Variants in PCDHGA1 observed in about 807,000 individuals in gnomAD.
The protein encoded by PCDHGA1 is protocadherin gamma subfamily A, 1.
In PCDHGA1, 32 loss-of-function variants were observed where a neutral mutation model predicts 58.0. The observed-to-expected ratio is 0.55, with a 90% confidence interval of 0.42 to 0.74. The LOEUF (loss-of-function observed/expected upper bound fraction) is 0.74. Among genes scored for constraint, PCDHGA1 ranks in the 30% least tolerant of loss-of-function variants. The probability of loss-of-function intolerance (pLI) is 0.00; values close to 1 mark genes in which losing one functional copy is unlikely to be tolerated. For synonymous variants in PCDHGA1, 498 were observed against 501.1 expected, an observed-to-expected ratio of 0.99 and a Z score of 0.08; for missense variants, 1,205 against 1,182.3, an observed-to-expected ratio of 1.02 and a Z score of -0.28.
intron 1 of PCDHGA1, chr5:141,355,137 T>C: frequency 6.6e-7 from 1 of 1,524,866 alleles, no homozygotes; most frequent in Non-Finnish European, 8.8e-7. Context: ...CAGAAGATCC[T>C]GGGGCTCCTC....
chr5:141,480,065 A>G (rs2099511928), intron 1 of PCDHGA1, among the ~76,000 whole-genome samples: 1 of 152,220 alleles, frequency 6.6e-6, no homozygotes, highest in Non-Finnish European at 1.5e-5. Flanking sequence ...TAAGTGTTTT[A>G]TAAGATTCAT....
At position 141,431,376 on chromosome 5, in the gene PCDHGA1, C is replaced by T. The variant is rs558222633; in HGVS notation, c.2422-63431C>T. The T allele has an allele frequency of 1.2e-6, 2 of 1,613,436 alleles. No homozygotes were observed. Among genetic ancestry groups the T allele is most frequent in the African/African-American group, 2.7e-5 (2 of 75,070 alleles). On this transcript the variant is annotated intron_variant, in intron 1 of 3. Coordinates refer to ENST00000517417, the MANE Select transcript of PCDHGA1 (RefSeq NM_018912.3). The surrounding 1 kb of genome is among the most constrained non-coding windows in gnomAD (Gnocchi z 4.8). Reference sequence around the variant, plus strand: ...CGCGCCCTGGACCGCGAAGAAAAGGCTGCTCACCACCTGGTCCTTACGGCC... The same window carrying T: ...CGCGCCCTGGACCGCGAAGAAAAGGTTGCTCACCACCTGGTCCTTACGGCC...
chr5:141,419,350 G>A, intron 1 of PCDHGA1: 1 of 1,613,848 alleles, frequency 6.2e-7, no homozygotes, highest in Non-Finnish European at 8.5e-7. Context: ...GCGACCTGGA[G>A]TCACGAACGC....
At position 141,375,341 on chromosome 5, in the gene PCDHGA1, A is replaced by G; in HGVS notation, c.2421+42236A>G. ...CCGGGAAGAGGTATTCTTGTACAACATCACTGTGACAGCCACGGACAAAGG... is the reference window on the plus strand; with the variant it reads ...CCGGGAAGAGGTATTCTTGTACAACGTCACTGTGACAGCCACGGACAAAGG... On this transcript the variant is annotated intron_variant, in intron 1 of 3. Transcript: ENST00000517417. 3 of 1,613,856 alleles carry G rather than the reference A, an allele frequency of 1.9e-6. No homozygotes were observed. The highest frequency in any genetic ancestry group is 1.6e-4 in the Middle Eastern group (1 of 6,062).
At chr5:141,400,638 T>A in intron 1 of PCDHGA1, 1 of 1,325,472 alleles carries the variant, frequency 7.5e-7, no homozygotes, top group Non-Finnish European at 1.1e-6. Flanking sequence ...TCAGAGCTGC[T>A]CAGAAAGCTG....
At position 141,477,418 on chromosome 5, in the gene PCDHGA1, C is replaced by G. The variant is rs759728291; in HGVS notation, c.2422-17389C>G. ...GCATCACCGCCCGAGACGCCGGAAC[C>G]CCTTCCCTCTCAGCCCTTACAATAG... On this transcript the variant is annotated intron_variant, in intron 1 of 3. Transcript: ENST00000517417. This position sits in a 1 kb window ranked among gnomAD's most constrained non-coding sequence, Gnocchi z 4.9. 2 of 1,614,166 alleles carry G rather than the reference C, an allele frequency of 1.2e-6. No homozygotes were observed. Among genetic ancestry groups the G allele is most frequent in the Non-Finnish European group, 1.7e-6 (2 of 1,180,030 alleles).
chr5:141,421,050 T>TACCACACAA, intron 1 of PCDHGA1: 1 of 561,278 alleles, frequency 1.8e-6, no homozygotes, highest in Non-Finnish European at 3.1e-6. Flanking sequence ...CCCCCGCCTC[T>TACCACACAA]ACCACACAAA....
chr5:141,482,103 A>C (rs34394498), intron 1 of PCDHGA1, among the ~76,000 whole-genome samples: 2 of 142,250 alleles, frequency 1.4e-5, no homozygotes, highest in Non-Finnish European at 3.0e-5. Flanking sequence ...AAAAAAAAAA[A>C]AATATCTAGA....
intron 1 of PCDHGA1, among the ~76,000 whole-genome samples, chr5:141,362,811 T>G (rs920763792): frequency 6.6e-6 from 1 of 152,256 alleles, no homozygotes; most frequent in African/African-American, 2.4e-5. Context: ...ACATTACTTC[T>G]CTCTGCAGAT....
intron 1 of PCDHGA1, chr5:141,389,142 G>C (rs72790030): frequency 2.5e-6 from 4 of 1,613,970 alleles, no homozygotes; most frequent in African/African-American, 2.7e-5. Flanking sequence ...CAATATAACC[G>C]TTACGGCAAC....
intron 2 of PCDHGA1, 91 bp from the exon 3 acceptor site, chr5:141,505,302 G>T: frequency 6.3e-7 from 1 of 1,592,714 alleles, no homozygotes; most frequent in Non-Finnish European, 8.5e-7. Context: ...TAGGGTTAGG[G>T]TACTAGGTTT....
intron 1 of PCDHGA1, chr5:141,389,817 C>G: frequency 1.2e-6 from 2 of 1,613,870 alleles, no homozygotes; most frequent in Non-Finnish European, 1.7e-6. Context: ...GGTCGCCGTG[C>G]GTGACGGTGG....
rs538468873 is a variant in PCDHGA1 at position 141,364,832 on chromosome 5, C to T, written c.2421+31727C>T. The T allele has an allele frequency of 3.7e-6, 6 of 1,613,894 alleles. No individual in the cohort carries two copies. The highest frequency in any genetic ancestry group is 1.7e-5 in the Admixed American group (1 of 60,010). On this transcript the variant is annotated intron_variant, in intron 1 of 3. Coordinates refer to ENST00000517417, the MANE Select transcript of PCDHGA1 (RefSeq NM_018912.3). ...TGCGGATGTGGGTGTGAACTCTCTCCGGAGTTACCAGCTCAGCTCCAATCT... is the reference window on the plus strand; with the variant it reads ...TGCGGATGTGGGTGTGAACTCTCTCTGGAGTTACCAGCTCAGCTCCAATCT...
intron 1 of PCDHGA1, among the ~76,000 whole-genome samples, chr5:141,380,531 AT>A (rs543704325): frequency 5.7e-4 from 87 of 152,348 alleles, no homozygotes; most frequent in African/African-American, 2.0e-3. Flanking sequence ...AATGATTTCA[AT>A]TTGATACAAT....
rs1452737362 is a variant in PCDHGA1, at chr5:141,432,324, A to G, written c.2422-62483A>G. On this transcript the variant is annotated intron_variant, in intron 1 of 3. Transcript: ENST00000517417. The surrounding 1 kb of genome is among the most constrained non-coding windows in gnomAD (Gnocchi z 6.0). ...CTGTATGCGCTGAGCTCCTTCGACTACGAGCAGTTCCGAGACTTGCAAGTG... is the reference window on the plus strand; with the variant it reads ...CTGTATGCGCTGAGCTCCTTCGACTGCGAGCAGTTCCGAGACTTGCAAGTG... 3 of 1,614,058 alleles carry G rather than the reference A, an allele frequency of 1.9e-6. No homozygotes were observed. The highest frequency in any genetic ancestry group is 2.7e-5 in the African/African-American group (2 of 74,910).
At chr5:141,405,440 GAC>G (rs1297950312) in intron 1 of PCDHGA1, 3 of 1,417,402 alleles carry the variant, frequency 2.1e-6, no homozygotes, top group Non-Finnish European at 2.9e-6. Flanking sequence ...TTGTTTTTGA[GAC>G]AGAGTCTTAC....
In PCDHGA1 at chr5:141,361,408, A is replaced by C. The variant is rs1561523474; in HGVS notation, c.2421+28303A>C. ...AGAATACAATCTCACCATCACAGCC[A>C]CCGACGGGGGCAAGCCGCCCCTCTC... On this transcript the variant is annotated intron_variant, in intron 1 of 3. Coordinates refer to ENST00000517417, the MANE Select transcript of PCDHGA1 (RefSeq NM_018912.3). The C allele has an allele frequency of 3.1e-6, 5 of 1,614,054 alleles. No homozygotes were observed. In the South Asian group the frequency reaches 5.5e-5, roughly 18 times the overall value.
At chr5:141,384,888 T>C in intron 1 of PCDHGA1, 2 of 1,613,854 alleles carry the variant, frequency 1.2e-6, no homozygotes, top group Non-Finnish European at 1.7e-6. Context: ...TCACCGTGGC[T>C]GTGGCTGACA....
intron 1 of PCDHGA1, chr5:141,399,330 A>G: frequency 6.2e-7 from 1 of 1,613,994 alleles, no homozygotes; most frequent in South Asian, 1.1e-5. Flanking sequence ...ATAAGTTGGT[A>G]ACAGATGGAA....
Sources: allele counts gnomAD v4.1 joint callset (sites outside exome capture counted in the v4.1 genomes callset), GRCh38; gene constraint gnomAD v4.1.1; non-coding constraint Gnocchi (gnomAD v3.1); transcripts MANE v1.5; gene names NCBI Gene and HGNC (gene_info 2026-07-23, HGNC 2026-07-21).